Variants in RPTOR observed in about 807,000 individuals in gnomAD.
The protein encoded by RPTOR is regulatory-associated protein of mTOR.
In RPTOR, 21 loss-of-function variants were observed where a neutral mutation model predicts 169.9. That is an observed-to-expected ratio of 0.12 (90% CI 0.09 to 0.18). RPTOR has a LOEUF of 0.18. Among genes scored for constraint, RPTOR ranks in the 10% least tolerant of loss-of-function variants. The pLI, the probability that RPTOR is intolerant of heterozygous loss-of-function variation, is 1.00. For synonymous variants in RPTOR, 732 were observed against 753.2 expected (o/e 0.97, Z 0.46); for missense variants, 1,133 against 1,855.9 (o/e 0.61, Z 7.16).
At chr17:80,908,070 G>A (rs535336420) in intron 20 of RPTOR, among the ~76,000 whole-genome samples, 1 of 152,306 alleles carries the variant, frequency 6.6e-6, no homozygotes, top group East Asian at 1.9e-4. Context: ...GGATTGCTGG[G>A]GAATTAAATA....
intron 4 of RPTOR, among the ~76,000 whole-genome samples, chr17:80,727,162 G>A (rs1253067576): frequency 2.7e-5 from 4 of 146,326 alleles, no homozygotes; most frequent in Non-Finnish European, 4.5e-5. Context: ...CTCCGAGAAC[G>A]TGAACTCTGC....
At chr17:80,757,777 A>G (rs1020775163) in intron 6 of RPTOR, among the ~76,000 whole-genome samples, 6 of 151,984 alleles carry the variant, frequency 3.9e-5, no homozygotes, top group Non-Finnish European at 7.4e-5. Context: ...TCTTCTCTGC[A>G]TCTCCTGGCT....
intron 1 of RPTOR, among the ~76,000 whole-genome samples, chr17:80,624,689 G>A (rs1474072438): frequency 6.6e-6 from 1 of 152,196 alleles, no homozygotes; most frequent in African/African-American, 2.4e-5. Context: ...CTAGTTTTAT[G>A]AGAAAAAATT....
chr17:80,866,611 G>T (rs1002166843), intron 13 of RPTOR, among the ~76,000 whole-genome samples: 3 of 152,214 alleles, frequency 2.0e-5, no homozygotes. Flanking sequence ...GTGACATCAT[G>T]AAAGATTCTA....
At chr17:80,599,353 A>C (rs899459417) in intron 1 of RPTOR, among the ~76,000 whole-genome samples, 1 of 152,098 alleles carries the variant, frequency 6.6e-6, no homozygotes, top group Non-Finnish European at 1.5e-5. Context: ...GCCCTTTCCT[A>C]ATTCTTGACC....
intron 3 of RPTOR, among the ~76,000 whole-genome samples, chr17:80,700,631 GCGA>G (rs1203433709): frequency 1.1e-4 from 8 of 73,504 alleles, no homozygotes; most frequent in Middle Eastern, 8.6e-3. Flanking sequence ...GGTGGTGGCG[GCGA>G]TGATGGTGGT....
chr17:80,791,238 T>C (rs1477983729), intron 6 of RPTOR, among the ~76,000 whole-genome samples: 2 of 151,794 alleles, frequency 1.3e-5, no homozygotes, highest in Non-Finnish European at 3.0e-5. Flanking sequence ...GACAACTCAC[T>C]GTGGCAGCTC....
In RPTOR at chr17:80,878,954, C is replaced by G. The variant is rs1342609420; in HGVS notation, c.1510-1461C>G. 2.6e-5 allele frequency among the ~76,000 whole-genome samples: 4 copies of G among 152,134 alleles called. No homozygotes were observed. The East Asian group carries it at 7.7e-4, about 29-fold the overall frequency. The stretch of plus-strand genomic sequence containing the variant: ...CTCGGAAGCCCCTTCCTCTAGGGGC[C>G]CGTCCCTCCTCCTTCCCCAGGCCCC... On this transcript the variant is annotated intron_variant, in intron 13 of 33. Coordinates refer to ENST00000306801, the MANE Select transcript of RPTOR (RefSeq NM_020761.3). The surrounding 1 kb of genome is among the most constrained non-coding windows in gnomAD (Gnocchi z 4.1).
intron 3 of RPTOR, among the ~76,000 whole-genome samples, chr17:80,693,914 C>T (rs755939610): frequency 6.6e-6 from 1 of 152,232 alleles, no homozygotes; most frequent in East Asian, 1.9e-4. Context: ...TGGTCCGGAG[C>T]GTCCACGCAG....
intron 16 of RPTOR, 23 bp from the exon 17 acceptor site, chr17:80,884,985 T>G (rs1294507982): frequency 1.2e-6 from 2 of 1,601,618 alleles, no homozygotes; most frequent in Non-Finnish European, 1.7e-6. Flanking sequence ...GGGACATGCC[T>G]GTGACCCCCC....
chr17:80,640,036 T>C (rs1373003572), intron 2 of RPTOR, among the ~76,000 whole-genome samples: 1 of 152,170 alleles, frequency 6.6e-6, no homozygotes, highest in Non-Finnish European at 1.5e-5. Flanking sequence ...TATCTTGAAA[T>C]TCAGAGGGGT....
At chr17:80,558,070 C>G (rs894506454) in intron 1 of RPTOR, among the ~76,000 whole-genome samples, 11 of 151,806 alleles carry the variant, frequency 7.2e-5, no homozygotes, top group African/African-American at 2.4e-4. Flanking sequence ...GAGGCTGAGG[C>G]AGGTGGATCA....
At chr17:80,826,538 A>C (rs2067445717) in intron 9 of RPTOR, among the ~76,000 whole-genome samples, 3 of 152,246 alleles carry the variant, frequency 2.0e-5, no homozygotes, top group African/African-American at 4.8e-5. Context: ...GCCCAGGTAC[A>C]GCGGAGTGAA....
rs1232908739 is a variant in RPTOR at position 80,561,261 on chromosome 17, ATG to A, written c.162+15472_162+15473del. 7.3e-3 allele frequency among the ~76,000 whole-genome samples: 40 copies of A among 5,516 alleles called. 1 individual carries two copies. Among genetic ancestry groups the A allele is most frequent in the Admixed American group, 0.019 (4 of 216 alleles). 3.6% of individuals were successfully genotyped at this position (5,516 alleles called of 152,430 possible). A position where few individuals can be genotyped will look rare whatever the true frequency, so the allele number is the denominator to read the frequency against. On this transcript the variant is annotated intron_variant, in intron 1 of 33. Coordinates refer to ENST00000306801, the MANE Select transcript of RPTOR (RefSeq NM_020761.3). ...AATTTATATATATATGTATATATAT[ATG>A]TATATATATATATATATATATATAT...
chr17:80,743,743 G>GCA (rs1460535019), intron 5 of RPTOR, among the ~76,000 whole-genome samples: 2 of 139,594 alleles, frequency 1.4e-5, no homozygotes, highest in African/African-American at 2.8e-5. Context: ...CTGGCTACTA[G>GCA]CAGAGCCCTG....
intron 17 of RPTOR, 108 bp downstream of exon 17, chr17:80,885,256 A>G: frequency 1.6e-6 from 2 of 1,254,656 alleles, no homozygotes; most frequent in Non-Finnish European, 2.2e-6. Flanking sequence ...CTCAGTTTCC[A>G]CTGCGTGTCA....
At chr17:80,940,676 GC>G (rs201496883) in intron 25 of RPTOR, 75 bp downstream of exon 25, 2 of 1,190,066 alleles carry the variant, frequency 1.7e-6, no homozygotes, top group Non-Finnish European at 2.4e-6. Context: ...CTGTGAGCAG[GC>G]CCCCCGCGGC....
intron 17 of RPTOR, among the ~76,000 whole-genome samples, chr17:80,886,709 T>C (rs1180102680): frequency 6.6e-6 from 1 of 152,138 alleles, no homozygotes; most frequent in African/African-American, 2.4e-5. Context: ...CCGGGAGCGG[T>C]CCGGCGTCAC....
chr17:80,685,627 A>ATATATATTTTTTTTTT (rs1269766086), intron 3 of RPTOR, among the ~76,000 whole-genome samples: 2 of 30,684 alleles, frequency 6.5e-5, no homozygotes, highest in Non-Finnish European at 1.1e-4. Flanking sequence ...ATATATATAT[A>ATATATATTTTTTTTTT]TTTTTTTTTT....
Sources: allele counts gnomAD v4.1 joint callset (sites outside exome capture counted in the v4.1 genomes callset), GRCh38; gene constraint gnomAD v4.1.1; non-coding constraint Gnocchi (gnomAD v3.1); transcripts MANE v1.5; gene names NCBI Gene and HGNC (gene_info 2026-07-23, HGNC 2026-07-21).